NLN: variants seen among roughly 807,000 people sequenced by gnomAD.
NLN encodes neurolysin, mitochondrial.
Under a neutral mutation model 79.9 loss-of-function variants are expected in NLN, and 64 were observed. That is an observed-to-expected ratio of 0.80 (90% CI 0.65 to 0.99). The LOEUF is 0.99. Ranked by LOEUF, NLN falls within the 50% of genes least tolerant of loss-of-function variation. The probability of loss-of-function intolerance (pLI) is 0.00; values close to 1 mark genes in which losing one functional copy is unlikely to be tolerated. For synonymous variants in NLN, 267 were observed against 296.6 expected (o/e 0.90, Z 1.02); for missense variants, 835 against 858.7 (o/e 0.97, Z 0.34).
intron 3 of NLN, among the ~76,000 whole-genome samples, chr5:65,768,774 T>C (rs1759507038): frequency 6.6e-6 from 1 of 152,042 alleles, no homozygotes; most frequent in Non-Finnish European, 1.5e-5. Context: ...GGAGGTGGGG[T>C]ACAGGAAGGC....
chr5:65,820,806 C>T (rs1303332020), intron 12 of NLN, among the ~76,000 whole-genome samples: 1 of 151,890 alleles, frequency 6.6e-6, no homozygotes, highest in East Asian at 1.9e-4. Flanking sequence ...CTTTGGGAGG[C>T]CGAGGCAGGC....
At chr5:65,767,480 G>T (rs1472383239) in intron 3 of NLN, among the ~76,000 whole-genome samples, 1 of 152,200 alleles carries the variant, frequency 6.6e-6, no homozygotes, top group African/African-American at 2.4e-5. Flanking sequence ...AAGGAGGGGG[G>T]AGCACAAAAC....
At chr5:65,804,662 G>A (rs1760368199) in intron 9 of NLN, among the ~76,000 whole-genome samples, 1 of 152,120 alleles carries the variant, frequency 6.6e-6, no homozygotes, top group Admixed American at 6.5e-5. Flanking sequence ...CTAAGTAGCT[G>A]GGATTACAGG....
chr5:65,767,287 A>G (rs1759472718), intron 3 of NLN, among the ~76,000 whole-genome samples: 1 of 152,194 alleles, frequency 6.6e-6, no homozygotes, highest in South Asian at 2.1e-4. Flanking sequence ...TAGGAGGTTC[A>G]CAAAGCTCAG....
At chr5:65,810,615 C>T (rs962007494) in intron 11 of NLN, among the ~76,000 whole-genome samples, 2 of 152,134 alleles carry the variant, frequency 1.3e-5, no homozygotes, top group African/African-American at 4.8e-5. Flanking sequence ...TCCACTTGCA[C>T]TCTTTTAGTT....
rs113452891 is a variant in NLN at position 65,807,012 on chromosome 5, A to G, written c.1528-2503A>G. Among the ~76,000 whole-genome samples the G allele has an allele frequency of 5.2e-3, 798 of 152,160 alleles. 9 individuals carry two copies. The highest frequency in any genetic ancestry group is 0.018 in the African/African-American group (758 of 41,498). On this transcript the variant is annotated intron_variant, in intron 9 of 12. Transcript: ENST00000380985. ...GCCAACATGGTGAAACCCCATCTCT[A>G]CTAAAAATACAAAAAGTAGCCGGGC... is the stretch of plus-strand genomic sequence containing the variant.
chr5:65,735,938 G>A (rs1206649744), intron 1 of NLN, among the ~76,000 whole-genome samples: 1 of 152,018 alleles, frequency 6.6e-6, no homozygotes, highest in East Asian at 1.9e-4. Context: ...TTTATCTTAA[G>A]AGTTATGAAA....
intron 12 of NLN, among the ~76,000 whole-genome samples, chr5:65,812,592 AC>A (rs1305981026): frequency 6.6e-6 from 1 of 152,210 alleles, no homozygotes; most frequent in Non-Finnish European, 1.5e-5. Context: ...TTTAAAAAAA[AC>A]TAGTATATTT....
chr5:65,809,435 T>C (rs1254626296), intron 9 of NLN, 80 bp from the exon 10 acceptor site: 2 of 1,232,388 alleles, frequency 1.6e-6, no homozygotes, highest in Non-Finnish European at 2.3e-6. Flanking sequence ...GCCTTAAGTT[T>C]TCGTGACTCT....
intron 1 of NLN, among the ~76,000 whole-genome samples, chr5:65,725,276 G>A (rs1166224583): frequency 6.6e-6 from 1 of 152,192 alleles, no homozygotes; most frequent in Non-Finnish European, 1.5e-5. Context: ...TATTTTAATA[G>A]CTTTTTAAAG....
At chr5:65,804,178 CAGTT>C (rs1380220434) in intron 9 of NLN, among the ~76,000 whole-genome samples, 1 of 152,170 alleles carries the variant, frequency 6.6e-6, no homozygotes, top group Non-Finnish European at 1.5e-5. Flanking sequence ...GATACGGAGA[CAGTT>C]AGCATTTGTG....
intron 9 of NLN, among the ~76,000 whole-genome samples, chr5:65,795,808 G>T (rs1760162567): frequency 1.3e-5 from 2 of 152,070 alleles, no homozygotes; most frequent in African/African-American, 4.8e-5. Context: ...GATAACTCCA[G>T]TTTACATTTA....
chr5:65,778,567 G>A (rs1223489218), intron 4 of NLN, among the ~76,000 whole-genome samples: 1 of 152,170 alleles, frequency 6.6e-6, no homozygotes, highest in Non-Finnish European at 1.5e-5. Context: ...TTTGGAGCAT[G>A]AACACTGTAT....
chr5:65,818,389 C>A (rs577095116), intron 12 of NLN, among the ~76,000 whole-genome samples: 1 of 152,068 alleles, frequency 6.6e-6, no homozygotes, highest in South Asian at 2.1e-4. Context: ...ACTTCTCTAC[C>A]CCCCCATACA....
At chr5:65,752,307 G>A (rs1428280775) in intron 1 of NLN, among the ~76,000 whole-genome samples, 1 of 152,100 alleles carries the variant, frequency 6.6e-6, no homozygotes, top group African/African-American at 2.4e-5. Context: ...GATGAAGAAG[G>A]TATGATTGAG....
At chr5:65,782,544 C>T in intron 6 of NLN, among the ~76,000 whole-genome samples, 1 of 152,214 alleles carries the variant, frequency 6.6e-6, no homozygotes, top group East Asian at 1.9e-4. Context: ...AGTCTGCTTT[C>T]AGGCCCTCTG....
chr5:65,800,503 A>G (rs1037434759), intron 9 of NLN, among the ~76,000 whole-genome samples: 1 of 151,890 alleles, frequency 6.6e-6, no homozygotes, highest in Non-Finnish European at 1.5e-5. Context: ...GTGAAACCCC[A>G]TCTCTACTAA....
At chr5:65,770,944 G>A (rs1313803470) in intron 3 of NLN, among the ~76,000 whole-genome samples, 2 of 152,106 alleles carry the variant, frequency 1.3e-5, no homozygotes, top group Admixed American at 6.5e-5. Flanking sequence ...CAATATATAA[G>A]TGGTAAAACT....
intron 6 of NLN, 47 bp from the exon 7 acceptor site, chr5:65,785,728 T>C (rs1345445982): frequency 5.3e-6 from 8 of 1,520,568 alleles, no homozygotes; most frequent in Non-Finnish European, 7.3e-6. Flanking sequence ...GTGCTTTGGA[T>C]CAAATTATTG....
Sources: gnomAD v4.1 joint callset for allele counts (sites outside exome capture counted in the v4.1 genomes callset) on GRCh38, gnomAD v4.1.1 for gene constraint, MANE v1.5 for transcripts, NCBI Gene and HGNC (gene_info 2026-07-23, HGNC 2026-07-21) for gene names.